Variants in KIAA0232 observed in about 807,000 individuals in gnomAD.
KIAA0232 encodes the protein KIAA0232.
In KIAA0232, 27 loss-of-function variants were observed where a neutral mutation model predicts 122.0. That is an observed-to-expected ratio of 0.22 (90% CI 0.16 to 0.31). The LOEUF is 0.31. Among genes scored for constraint, KIAA0232 ranks in the 10% least tolerant of loss-of-function variants. The pLI, the probability that KIAA0232 is intolerant of heterozygous loss-of-function variation, is 1.00. For synonymous variants in KIAA0232, 613 were observed against 587.6 expected, an observed-to-expected ratio of 1.04 and a Z score of -0.63; for missense variants, 1,551 against 1,634.2, an observed-to-expected ratio of 0.95 and a Z score of 0.88.
chr4:6,799,432 G>A (rs977041713), intron 1 of KIAA0232, among the ~76,000 whole-genome samples: 2 of 151,486 alleles, frequency 1.3e-5, no homozygotes, highest in African/African-American at 2.4e-5. Context: ...TGTTAAAGTT[G>A]GGGGTAAACA....
intron 7 of KIAA0232, among the ~76,000 whole-genome samples, chr4:6,866,928 C>T (rs932606536): frequency 6.6e-6 from 1 of 152,176 alleles, no homozygotes; most frequent in Non-Finnish European, 1.5e-5. Context: ...TCAGAAGTTA[C>T]AAGTGTATGT....
chr4:6,859,788 A>T (rs141755268), intron 6 of KIAA0232, among the ~76,000 whole-genome samples: 1 of 152,222 alleles, frequency 6.6e-6, no homozygotes, highest in African/African-American at 2.4e-5. Flanking sequence ...CCAGTAGCCA[A>T]TGTGACTTTA....
chr4:6,796,267 A>G (rs183332688), intron 1 of KIAA0232, among the ~76,000 whole-genome samples: 190 of 151,642 alleles, frequency 1.3e-3, no homozygotes, highest in African/African-American at 4.4e-3. Context: ...TTGGAGACAG[A>G]GTCTTGTTCT....
chr4:6,835,015 A>T (rs1719187009), intron 3 of KIAA0232, among the ~76,000 whole-genome samples: 1 of 152,206 alleles, frequency 6.6e-6, no homozygotes, highest in Admixed American at 6.5e-5. Flanking sequence ...GCAGGGCTTA[A>T]TTGGGTGATT....
At chr4:6,828,874 A>G (rs1718827867) in intron 3 of KIAA0232, among the ~76,000 whole-genome samples, 1 of 152,170 alleles carries the variant, frequency 6.6e-6, no homozygotes, top group African/African-American at 2.4e-5. Flanking sequence ...GTCATATTAC[A>G]ATTACAAAAT....
chr4:6,876,588 A>G (rs971078818), intron 8 of KIAA0232, 72 bp from the exon 9 acceptor site: 6 of 1,018,188 alleles, frequency 5.9e-6, no homozygotes, highest in South Asian at 2.6e-5. Flanking sequence ...ACAAGAATGT[A>G]TGTTTCATAA....
At chr4:6,843,058 A>G (rs1560187810) in intron 4 of KIAA0232, among the ~76,000 whole-genome samples, 1 of 152,186 alleles carries the variant, frequency 6.6e-6, no homozygotes, top group African/African-American at 2.4e-5. Context: ...AAATATTACA[A>G]TATTATTTTA....
At chr4:6,826,031 C>G (rs541197668) in intron 3 of KIAA0232, among the ~76,000 whole-genome samples, 1 of 151,652 alleles carries the variant, frequency 6.6e-6, no homozygotes, top group African/African-American at 2.4e-5. Context: ...CTCACTGAAG[C>G]CTTGAACTCC....
At chr4:6,822,448 T>C (rs1216638227) in intron 2 of KIAA0232, among the ~76,000 whole-genome samples, 1 of 152,200 alleles carries the variant, frequency 6.6e-6, no homozygotes, top group East Asian at 1.9e-4. Flanking sequence ...TATTTGTCTT[T>C]CTGACTTGAT....
In KIAA0232 at chr4:6,855,951, T is replaced by C. The variant is rs946460885; in HGVS notation, c.370-1213T>C. The stretch of plus-strand genomic sequence containing the variant: ...TTTGTGGTTGAACAGTGTTTATGAC[T>C]AATATCTGCCATCGTTTTTAAGAGT... On this transcript the variant is annotated intron_variant, in intron 4 of 9. Transcript: ENST00000307659. This position sits in a 1 kb window ranked among gnomAD's most constrained non-coding sequence, Gnocchi z 4.3. 7.8e-6 allele frequency: 5 copies of C among 643,956 alleles called. No homozygotes were observed. Among genetic ancestry groups the C allele is most frequent in the Middle Eastern group, 1.6e-3 (2 of 1,264 alleles). 39.9% of individuals were successfully genotyped at this position (643,956 alleles called of 1,614,324 possible).
intron 6 of KIAA0232, among the ~76,000 whole-genome samples, chr4:6,859,573 A>G: frequency 6.6e-6 from 1 of 152,226 alleles, no homozygotes; most frequent in East Asian, 1.9e-4. Flanking sequence ...TTAGTTAAAT[A>G]TATTACTGGA....
chr4:6,833,220 A>G (rs1157514538), intron 3 of KIAA0232, among the ~76,000 whole-genome samples: 1 of 152,232 alleles, frequency 6.6e-6, no homozygotes, highest in East Asian at 1.9e-4. Flanking sequence ...GTATTTCAAC[A>G]AACATTCAAC....
chr4:6,863,824 C>G lies in KIAA0232; in HGVS notation c.3442C>G (p.Gln1148Glu), dbSNP rs1282829547. The G allele has an allele frequency of 6.2e-7, 1 of 1,613,992 alleles. No homozygotes were observed. Among genetic ancestry groups the G allele is most frequent in the Non-Finnish European group, 8.5e-7 (1 of 1,180,028 alleles). The change falls in exon 7 of 10, where the codon CAG becomes GAG. Residue 1148 changes from glutamine to glutamate, a missense_variant. By Grantham distance (29) the Gln-to-Glu change is conservative (BLOSUM62 2). Around this residue, in one of 5 missense-constraint regions of KIAA0232, gnomAD observed 1,108 missense variants for 1,154.8 expected, o/e 0.96. Coordinates refer to ENST00000307659, the MANE Select transcript of KIAA0232 (RefSeq NM_014743.3). ...PSQVDIFEDP[Q>E]ADLKPLEEDA... is the part of the protein sequence containing the mutation. ...TCAAGTTGATATATTTGAAGATCCG[C>G]AGGCAGATCTCAAACCTTTGGAAGA...
At chr4:6,835,291 T>G (rs1366164381) in intron 3 of KIAA0232, among the ~76,000 whole-genome samples, 3 of 152,012 alleles carry the variant, frequency 2.0e-5, no homozygotes, top group Admixed American at 6.5e-5. Context: ...TAGAATCACT[T>G]CCATTGCACT....
At chr4:6,836,650 CAT>C (rs1719296502) in intron 3 of KIAA0232, among the ~76,000 whole-genome samples, 1 of 148,966 alleles carries the variant, frequency 6.7e-6, no homozygotes, top group Non-Finnish European at 1.5e-5. Context: ...AGCAGATAAA[CAT>C]GTGAACAAAG....
chr4:6,866,602 T>C (rs1474397842), intron 7 of KIAA0232, among the ~76,000 whole-genome samples: 1 of 152,182 alleles, frequency 6.6e-6, no homozygotes, highest in Non-Finnish European at 1.5e-5. Flanking sequence ...GTACAGTCTT[T>C]TCAGGAAGCA....
At chr4:6,833,464 T>C (rs1312164324) in intron 3 of KIAA0232, among the ~76,000 whole-genome samples, 2 of 151,828 alleles carry the variant, frequency 1.3e-5, no homozygotes, top group Non-Finnish European at 2.9e-5. Context: ...ACCCTGTCTC[T>C]ACAAATAATA....
chr4:6,870,600 C>T (rs1458648049), intron 7 of KIAA0232, among the ~76,000 whole-genome samples: 2 of 152,188 alleles, frequency 1.3e-5, no homozygotes, highest in East Asian at 1.9e-4. Context: ...GTCACAAGTT[C>T]GAGACCAGCC....
chr4:6,866,493 C>G (rs561567191), intron 7 of KIAA0232, among the ~76,000 whole-genome samples: 1 of 152,272 alleles, frequency 6.6e-6, no homozygotes, highest in Admixed American at 6.5e-5. Flanking sequence ...TTGGGGCCAG[C>G]CTGGGACTAG....
Sources: allele counts gnomAD v4.1 joint callset (sites outside exome capture counted in the v4.1 genomes callset), GRCh38; gene constraint gnomAD v4.1.1; regional missense constraint gnomAD v4.1.1; non-coding constraint Gnocchi (gnomAD v3.1); transcripts MANE v1.5; gene names NCBI Gene and HGNC (gene_info 2026-07-23, HGNC 2026-07-21).